The following SPATA9 variants were observed in gnomAD, a reference collection of about 807,000 sequenced individuals.
The protein encoded by SPATA9 is spermatogenesis-associated protein 9.
Under a neutral mutation model 25.5 loss-of-function variants are expected in SPATA9, and 27 were observed. That is an observed-to-expected ratio of 1.06 (90% confidence interval 0.78 to 1.46). SPATA9 has a LOEUF of 1.46. Among genes scored for constraint, SPATA9 ranks in the 40% most tolerant of loss-of-function variants. The pLI is 0.00. For synonymous variants in SPATA9, 102 were observed against 105.7 expected (o/e 0.97, Z 0.21); for missense variants, 282 against 297.5 (o/e 0.95, Z 0.38).
chr5:95,721,009 A>G, the SPATA9 span, among the ~76,000 whole-genome samples: 4 of 152,246 alleles, frequency 2.6e-5, no homozygotes, highest in African/African-American at 9.6e-5. Flanking sequence ...ATAAAAGAAA[A>G]GTCACAGTCT....
downstream of SPATA9, among the ~76,000 whole-genome samples, chr5:95,655,049 GTCTC>G (rs148372438): frequency 6.6e-6 from 1 of 151,696 alleles, no homozygotes; most frequent in Non-Finnish European, 1.5e-5. Flanking sequence ...CATGAAATTG[GTCTC>G]TCTCTCTCTA....
intron 4 of SPATA9, among the ~76,000 whole-genome samples, chr5:95,661,835 TACAC>T (rs901496880): frequency 6.6e-6 from 1 of 151,814 alleles, no homozygotes; most frequent in Non-Finnish European, 1.5e-5. Flanking sequence ...TACACACACA[TACAC>T]ACACACATGC....
chr5:95,683,612 A>G (rs1328605450), upstream of SPATA9, among the ~76,000 whole-genome samples: 1 of 152,092 alleles, frequency 6.6e-6, no homozygotes, highest in African/African-American at 2.4e-5. Flanking sequence ...ATCTTGGCTC[A>G]CTGCAACCTC....
intron 3 of SPATA9, among the ~76,000 whole-genome samples, chr5:95,665,657 T>A (rs943393576): frequency 2.0e-5 from 3 of 152,232 alleles, no homozygotes; most frequent in African/African-American, 7.2e-5. Flanking sequence ...TCCAGGCTAT[T>A]GTGAATAGTA....
Sources: gnomAD v4.1 joint callset for allele counts (sites outside exome capture counted in the v4.1 genomes callset) on GRCh38, gnomAD v4.1.1 for gene constraint, MANE v1.5 for transcripts, NCBI Gene and HGNC (gene_info 2026-07-23, HGNC 2026-07-21) for gene names.